The following SGCZ variants were observed in gnomAD, a reference collection of about 807,000 sequenced individuals.
SGCZ encodes the protein zeta-sarcoglycan.
Under a neutral mutation model 41.3 loss-of-function variants are expected in SGCZ, and 40 were observed. The ratio of observed to expected loss-of-function variants is 0.97; its 90% confidence interval spans 0.75 to 1.26. SGCZ has a LOEUF of 1.26. SGCZ is among the 50% of genes most tolerant of loss of function. The pLI is 0.00. For missense variants in SGCZ, 552 were observed against 369.8 expected (o/e 1.49, Z -4.04); for synonymous variants, 206 against 137.5 (o/e 1.50, Z -3.49).
chr8:15,085,419 C>G (rs1805912451), intron 1 of SGCZ, among the ~76,000 whole-genome samples: 1 of 152,020 alleles, frequency 6.6e-6, no homozygotes, highest in Non-Finnish European at 1.5e-5. Context: ...CACGATGGGT[C>G]CATTCATCAG....
At chr8:14,788,335 G>A (rs1800839165) in intron 1 of SGCZ, among the ~76,000 whole-genome samples, 1 of 152,130 alleles carries the variant, frequency 6.6e-6, no homozygotes, top group African/African-American at 2.4e-5. Flanking sequence ...AGGGAACCTT[G>A]GGCGATTAAT....
intron 4 of SGCZ, among the ~76,000 whole-genome samples, chr8:14,220,711 C>T (rs573878265): frequency 5.5e-4 from 84 of 152,044 alleles, no homozygotes; most frequent in African/African-American, 1.9e-3. Context: ...GGCGTGAACC[C>T]GGGAGGCGGA....
At chr8:14,977,241 C>A (rs1311409629) in intron 1 of SGCZ, among the ~76,000 whole-genome samples, 1 of 152,106 alleles carries the variant, frequency 6.6e-6, no homozygotes, top group Non-Finnish European at 1.5e-5. Context: ...CCCATCCCTC[C>A]CCACAGATCT....
At chr8:14,635,371 CACTT>C (rs1160225322) in intron 1 of SGCZ, among the ~76,000 whole-genome samples, 1 of 151,856 alleles carries the variant, frequency 6.6e-6, no homozygotes, top group African/African-American at 2.4e-5. Flanking sequence ...GCAATGATCT[CACTT>C]AATCTATTAT....
chr8:14,522,793 A>G (rs957263120), intron 2 of SGCZ, among the ~76,000 whole-genome samples: 2 of 151,788 alleles, frequency 1.3e-5, no homozygotes, highest in African/African-American at 4.8e-5. Flanking sequence ...CTTCATTTCT[A>G]GAATCCTGAG....
At chr8:14,503,395 G>T (rs1042319068) in intron 2 of SGCZ, among the ~76,000 whole-genome samples, 1 of 152,100 alleles carries the variant, frequency 6.6e-6, no homozygotes, top group Admixed American at 6.6e-5. Flanking sequence ...GCATACCTAT[G>T]TAACAAACCT....
At chr8:14,988,685 G>A (rs551334820) in intron 1 of SGCZ, among the ~76,000 whole-genome samples, 42 of 151,984 alleles carry the variant, frequency 2.8e-4, no homozygotes, top group South Asian at 2.7e-3. Context: ...TCCTAAAAAC[G>A]TTATTATATA....
At chr8:15,165,755 G>C (rs1190925225) in intron 1 of SGCZ, among the ~76,000 whole-genome samples, 2 of 152,180 alleles carry the variant, frequency 1.3e-5, no homozygotes, top group East Asian at 1.9e-4. Context: ...AAAGTATTTT[G>C]AGTTAGGAAA....
At chr8:15,072,376 C>CA (rs1177101829) in intron 1 of SGCZ, among the ~76,000 whole-genome samples, 1 of 152,126 alleles carries the variant, frequency 6.6e-6, no homozygotes, top group African/African-American at 2.4e-5. Context: ...GCAACATCAA[C>CA]AAAAAACCCC....
At chr8:14,514,881 A>AT (rs1304524158) in intron 2 of SGCZ, among the ~76,000 whole-genome samples, 2 of 150,400 alleles carry the variant, frequency 1.3e-5, no homozygotes, top group Non-Finnish European at 3.0e-5. Flanking sequence ...TTACGAAAAT[A>AT]TTACTTTATT....
At chr8:14,632,010 A>ATTATT (rs903487077) in intron 1 of SGCZ, among the ~76,000 whole-genome samples, 6 of 150,980 alleles carry the variant, frequency 4.0e-5, no homozygotes, top group African/African-American at 7.3e-5. Context: ...TAGTGCTTAA[A>ATTATT]TTATTTTATT....
intron 2 of SGCZ, among the ~76,000 whole-genome samples, chr8:14,538,702 C>A (rs1322627881): frequency 6.6e-6 from 1 of 151,814 alleles, no homozygotes; most frequent in Admixed American, 6.6e-5. Context: ...AGCATAAAAT[C>A]TTGGCTATTG....
intron 1 of SGCZ, among the ~76,000 whole-genome samples, chr8:14,605,533 C>A (rs1805721484): frequency 6.6e-6 from 1 of 151,974 alleles, no homozygotes; most frequent in Non-Finnish European, 1.5e-5. Flanking sequence ...TACCCATTAA[C>A]CACCCACTCC....
chr8:14,114,980 G>T (rs931504558), intron 5 of SGCZ, among the ~76,000 whole-genome samples: 2 of 151,822 alleles, frequency 1.3e-5, no homozygotes, highest in African/African-American at 4.8e-5. Context: ...ATGAATATGT[G>T]GTTTGATGGA....
At chr8:14,617,794 G>C (rs539972244) in intron 1 of SGCZ, among the ~76,000 whole-genome samples, 3 of 152,082 alleles carry the variant, frequency 2.0e-5, no homozygotes, top group Non-Finnish European at 4.4e-5. Flanking sequence ...GGTTGGGAAA[G>C]ATAGTGCATG....
At chr8:14,108,547 C>T (rs979759563) in intron 5 of SGCZ, among the ~76,000 whole-genome samples, 3 of 152,138 alleles carry the variant, frequency 2.0e-5, no homozygotes, top group African/African-American at 7.2e-5. Context: ...CTGATAATAC[C>T]ATCAGATCTC....
chr8:15,082,313 G>C (rs1229896769), intron 1 of SGCZ, among the ~76,000 whole-genome samples: 1 of 151,914 alleles, frequency 6.6e-6, no homozygotes, highest in Non-Finnish European at 1.5e-5. Context: ...AGTTTATTTG[G>C]AATCCTTCCC....
intron 1 of SGCZ, among the ~76,000 whole-genome samples, chr8:15,134,657 T>G (rs528376806): frequency 1.9e-3 from 288 of 152,318 alleles, no homozygotes; most frequent in Non-Finnish European, 3.3e-3. Context: ...GCTGATTCTA[T>G]GCAAGACGAG....
chr8:15,092,497 G>T (rs529710225), intron 1 of SGCZ, among the ~76,000 whole-genome samples: 3 of 152,232 alleles, frequency 2.0e-5, no homozygotes, highest in Non-Finnish European at 4.4e-5. Context: ...AATCATAAAA[G>T]TGATGGGAGA....
Sources: gnomAD v4.1 joint callset for allele counts (sites outside exome capture counted in the v4.1 genomes callset) on GRCh38, gnomAD v4.1.1 for gene constraint, MANE v1.5 for transcripts, NCBI Gene and HGNC (gene_info 2026-07-23, HGNC 2026-07-21) for gene names.